The following RPH3A variants were observed in gnomAD, a reference collection of about 807,000 sequenced individuals.
The protein encoded by RPH3A is rabphilin-3A.
A neutral mutation model predicts 102.2 loss-of-function variants in RPH3A; 48 were observed. The observed-to-expected ratio is 0.47, with a 90% CI of 0.37 to 0.60. The LOEUF (loss-of-function observed/expected upper bound fraction) is 0.60, where lower values mean the gene tolerates loss of function less well. Among genes scored for constraint, RPH3A ranks in the 20% least tolerant of loss-of-function variants. RPH3A has a pLI of 0.00. For synonymous variants in RPH3A, 310 were observed against 324.3 expected, an observed-to-expected ratio of 0.96 and a Z score of 0.47; for missense variants, 781 against 910.1, an observed-to-expected ratio of 0.86 and a Z score of 1.83.
chr12:112,831,673 G>A (rs2041972821), intron 3 of RPH3A: 3 of 362,272 alleles, frequency 8.3e-6, no homozygotes, highest in South Asian at 2.1e-5. Context: ...TTTTCATTTG[G>A]TAAAATTCTG....
chr12:112,756,519 T>G (rs1315053819), intron 1 of RPH3A, among the ~76,000 whole-genome samples: 1 of 152,132 alleles, frequency 6.6e-6, no homozygotes, highest in Non-Finnish European at 1.5e-5. Flanking sequence ...AAAATTAAAA[T>G]TTTTTTACCC....
chr12:112,680,095 C>T (rs1041201306), intron 1 of RPH3A, among the ~76,000 whole-genome samples: 1 of 151,834 alleles, frequency 6.6e-6, no homozygotes, highest in Non-Finnish European at 1.5e-5. Context: ...GGAATGGGGG[C>T]AGAAAAGGCT....
At chr12:112,824,768 C>A (rs936060200) in intron 2 of RPH3A, among the ~76,000 whole-genome samples, 3 of 152,066 alleles carry the variant, frequency 2.0e-5, no homozygotes, top group Non-Finnish European at 4.4e-5. Flanking sequence ...GGGTGGTCAG[C>A]CAGGGAGTTT....
chr12:112,576,909 C>CTTTTTTTTTTTTTTTTTTTTTTTTTT (rs3036138), intron 1 of RPH3A, among the ~76,000 whole-genome samples: 2 of 114,622 alleles, frequency 1.7e-5, no homozygotes, highest in African/African-American at 7.1e-5. Context: ...TCTTTTCTTC[C>CTTTTTTTTTTTTTTTTTTTTTTTTTT]TTTTTTTTTT....
chr12:112,692,829 T>C (rs1263461138), intron 1 of RPH3A, among the ~76,000 whole-genome samples: 1 of 152,204 alleles, frequency 6.6e-6, no homozygotes, highest in Non-Finnish European at 1.5e-5. Context: ...AGTCATAGCC[T>C]TTAGTGATTG....
Position 112,876,983 on chromosome 12 carries a change from C to T in RPH3A, c.1171+117C>T, listed in dbSNP as rs530385471. The stretch of plus-strand genomic sequence containing the variant: ...ATCCCCAGACCCCTAATATACCAGA[C>T]CTAATAAACATATTAACCAAGTGAT... On this transcript the variant is annotated intron_variant, in intron 13 of 21. Transcript: ENST00000389385. The T allele has an allele frequency of 6.6e-6, 4 of 603,160 alleles. No individual in the cohort carries two copies. In the East Asian group the frequency reaches 1.3e-4, roughly 19 times the overall value. The allele number at this position is 603,160 out of a possible 1,614,324, so 37.4% of individuals were successfully genotyped here. A position where few individuals can be genotyped will look rare whatever the true frequency, so the allele number is the denominator to read the frequency against.
chr12:112,864,191 G>A (rs1325965749), intron 5 of RPH3A, among the ~76,000 whole-genome samples: 1 of 152,160 alleles, frequency 6.6e-6, no homozygotes, highest in African/African-American at 2.4e-5. Flanking sequence ...AGGGGCTCAC[G>A]CCTGTGATCC....
intron 1 of RPH3A, among the ~76,000 whole-genome samples, chr12:112,722,881 C>T (rs1459947721): frequency 6.6e-6 from 1 of 152,198 alleles, no homozygotes; most frequent in Non-Finnish European, 1.5e-5. Flanking sequence ...TCATTTTATA[C>T]AAGAAGTAAA....
At chr12:112,752,276 A>G (rs2040790291) in intron 1 of RPH3A, among the ~76,000 whole-genome samples, 1 of 152,206 alleles carries the variant, frequency 6.6e-6, no homozygotes, top group Non-Finnish European at 1.5e-5. Flanking sequence ...GGTATGGCTC[A>G]TAGAAAGGAT....
At chr12:112,686,642 C>T (rs1048339690) in intron 1 of RPH3A, among the ~76,000 whole-genome samples, 3 of 152,188 alleles carry the variant, frequency 2.0e-5, no homozygotes, top group Non-Finnish European at 4.4e-5. Flanking sequence ...CATCCAGGAC[C>T]AGCCAGCCAC....
chr12:112,657,261 T>C (rs2040019534), intron 1 of RPH3A, among the ~76,000 whole-genome samples: 1 of 152,206 alleles, frequency 6.6e-6, no homozygotes, highest in Admixed American at 6.5e-5. Flanking sequence ...TGTCTGTTTA[T>C]ATTCTTTGCC....
At chr12:112,647,590 GGTGTGTGTGTGTGTAT>G (rs1201352937) in intron 1 of RPH3A, among the ~76,000 whole-genome samples, 4 of 140,550 alleles carry the variant, frequency 2.8e-5, no homozygotes, top group Admixed American at 1.5e-4. Context: ...GGCTAGAGAG[GGTGTGTGTGTGTGTAT>G]GTGTGTGTGT....
rs760846538 is a variant in RPH3A at position 112,676,061 on chromosome 12, A to G, written c.-140+100742A>G. Among the ~76,000 whole-genome samples the G allele has an allele frequency of 2.6e-5, 4 of 151,916 alleles. No homozygotes were observed. The East Asian group carries it at 7.8e-4, about 29-fold the overall frequency. Reference sequence around the variant, plus strand: ...GAGCTGGAGCCACAGAGGAGATGCAACTCCTGTGAGGAAATCTGTCTGCGG... The same window carrying G: ...GAGCTGGAGCCACAGAGGAGATGCAGCTCCTGTGAGGAAATCTGTCTGCGG... On this transcript the variant is annotated intron_variant, in intron 1 of 21. Transcript: ENST00000543106.
intron 1 of RPH3A, among the ~76,000 whole-genome samples, chr12:112,774,661 C>A (rs1426284094): frequency 1.3e-5 from 2 of 152,092 alleles, no homozygotes; most frequent in African/African-American, 4.8e-5. Context: ...TTATCCTCAG[C>A]AAACTAATGC....
At chr12:112,827,546 T>C (rs541215401) in intron 2 of RPH3A, among the ~76,000 whole-genome samples, 3 of 152,346 alleles carry the variant, frequency 2.0e-5, no homozygotes, top group African/African-American at 7.2e-5. Context: ...GAGGAGTCAA[T>C]TGCATTAAGT....
intron 1 of RPH3A, among the ~76,000 whole-genome samples, chr12:112,643,558 G>A (rs993501476): frequency 6.6e-6 from 1 of 152,220 alleles, no homozygotes; most frequent in African/African-American, 2.4e-5. Context: ...TGCTACATGG[G>A]GCTTAAAATC....
At chr12:112,738,241 G>A (rs2040683107) in intron 1 of RPH3A, among the ~76,000 whole-genome samples, 1 of 151,852 alleles carries the variant, frequency 6.6e-6, no homozygotes, top group South Asian at 2.1e-4. Context: ...CACCCAGGCT[G>A]GAGTACAGCT....
intron 2 of RPH3A, among the ~76,000 whole-genome samples, chr12:112,793,908 G>A (rs1320734756): frequency 2.6e-5 from 4 of 152,156 alleles, no homozygotes; most frequent in Admixed American, 2.6e-4. Context: ...AGGCCTCAGG[G>A]CAGCATCCCC....
chr12:112,882,266 A>C (rs543622319), intron 15 of RPH3A, among the ~76,000 whole-genome samples: 2 of 152,154 alleles, frequency 1.3e-5, no homozygotes. Context: ...ACTTTGGAGA[A>C]TATTCTCTGA....
Sources: gnomAD v4.1 joint callset for allele counts (sites outside exome capture counted in the v4.1 genomes callset) on GRCh38, gnomAD v4.1.1 for gene constraint, MANE v1.5 for transcripts, NCBI Gene and HGNC (gene_info 2026-07-23, HGNC 2026-07-21) for gene names.